GLG1: variants seen among roughly 807,000 people sequenced by gnomAD.
GLG1 encodes the protein golgi glycoprotein 1.
A neutral mutation model predicts 160.5 loss-of-function variants in GLG1; 38 were observed. The observed-to-expected ratio is 0.24, with a 90% CI of 0.18 to 0.31. The LOEUF (loss-of-function observed/expected upper bound fraction) is 0.31, where lower values mean the gene tolerates loss of function less well. Among genes scored for constraint, GLG1 ranks in the 10% least tolerant of loss-of-function variants. GLG1 has a pLI of 1.00. For missense variants in GLG1, 1,373 were observed against 1,505.2 expected, an observed-to-expected ratio of 0.91 and a Z score of 1.45; for synonymous variants, 644 against 543.4, an observed-to-expected ratio of 1.19 and a Z score of -2.57.
intron 1 of GLG1, among the ~76,000 whole-genome samples, chr16:74,568,977 G>A (rs2018741373): frequency 6.6e-6 from 1 of 152,176 alleles, no homozygotes. Context: ...AAGAACACAG[G>A]AGAGCTCAAA....
intron 1 of GLG1, among the ~76,000 whole-genome samples, chr16:74,573,177 T>C (rs1443188956): frequency 1.3e-5 from 2 of 152,244 alleles, no homozygotes; most frequent in East Asian, 1.9e-4. Flanking sequence ...CTTTTAAGAA[T>C]AGGGTAGAAT....
intron 1 of GLG1, among the ~76,000 whole-genome samples, chr16:74,601,847 C>G (rs1958446509): frequency 1.3e-5 from 2 of 152,146 alleles, no homozygotes; most frequent in South Asian, 4.1e-4. Context: ...TACAACCACC[C>G]ATGGTACATT....
intron 1 of GLG1, among the ~76,000 whole-genome samples, chr16:74,560,697 C>T (rs7203452): frequency 0.73 from 110,817 of 151,908 alleles, 40,907 homozygotes; most frequent in African/African-American, 0.84. Flanking sequence ...AAAATTAAAC[C>T]TGAGCTGGGC....
intron 15 of GLG1, among the ~76,000 whole-genome samples, chr16:74,470,823 T>C (rs1387795642): frequency 6.6e-6 from 1 of 151,872 alleles, no homozygotes; most frequent in Admixed American, 6.6e-5. Context: ...GCAGTGGCGA[T>C]CTCGGCTCAC....
intron 6 of GLG1, 137 bp from the exon 7 acceptor site, chr16:74,493,277 G>C (rs1009982000): frequency 1.4e-5 from 8 of 580,108 alleles, no homozygotes; most frequent in Non-Finnish European, 2.1e-5. Context: ...CTATCTTTAA[G>C]TTTGGTTAAA....
At position 74,532,264 on chromosome 16, in the gene GLG1, T is replaced by G. The variant is rs574436712; in HGVS notation, c.439-111A>C. ...ACCAAAATAAACTCAAAACAAGAAA[T>G]CTGAATATTCAACCAAATATGCTTC... is the stretch of plus-strand genomic sequence containing the variant. On this transcript the variant is annotated intron_variant, in intron 1 of 25. Transcript: ENST00000422840. 8 of 373,842 alleles carry G rather than the reference T, an allele frequency of 2.1e-5. No homozygotes were observed. The South Asian group carries it at 8.9e-4, about 41-fold the overall frequency. The allele number at this position is 373,842 out of a possible 1,614,324, so 23.2% of individuals were successfully genotyped here.
At chr16:74,535,133 A>T (rs2017652131) in intron 1 of GLG1, among the ~76,000 whole-genome samples, 1 of 152,196 alleles carries the variant, frequency 6.6e-6, no homozygotes, top group Non-Finnish European at 1.5e-5. Flanking sequence ...GGAAAGAAAA[A>T]CAAGCCTCGA....
intron 1 of GLG1, among the ~76,000 whole-genome samples, chr16:74,573,563 C>G (rs2018898345): frequency 6.7e-6 from 1 of 148,230 alleles, no homozygotes; most frequent in East Asian, 2.0e-4. Flanking sequence ...ATCTTCCTTC[C>G]CCTTTTATTT....
rs143508685 is a variant in GLG1 at position 74,586,197 on chromosome 16, C to G, written c.438+20460G>C. On this transcript the variant is annotated intron_variant, in intron 1 of 25. Transcript: ENST00000422840. ...AAAACAAAGGCAAGGCCCTAGGAAA[C>G]GAATGGAACCACAAGATAAAAGGAA... Among the ~76,000 whole-genome samples, 113 of 151,926 alleles carry G rather than the reference C, an allele frequency of 7.4e-4. 1 individual carries two copies. In the East Asian group the frequency reaches 0.019, roughly 25 times the overall value.
chr16:74,557,210 C>A (rs1200054001), intron 1 of GLG1, among the ~76,000 whole-genome samples: 1 of 152,138 alleles, frequency 6.6e-6, no homozygotes, highest in African/African-American at 2.4e-5. Context: ...TAAATCCTTA[C>A]CTCAAATATT....
At chr16:74,603,669 C>T (rs1958496947) in intron 1 of GLG1, among the ~76,000 whole-genome samples, 1 of 152,000 alleles carries the variant, frequency 6.6e-6, no homozygotes, top group Non-Finnish European at 1.5e-5. Context: ...CTGGCCATTT[C>T]AACCAAGAAT....
At chr16:74,592,811 TGTCCTC>T (rs912050393) in intron 1 of GLG1, among the ~76,000 whole-genome samples, 37 of 152,296 alleles carry the variant, frequency 2.4e-4, no homozygotes, top group Non-Finnish European at 8.8e-5. Flanking sequence ...ATAATAGGTG[TGTCCTC>T]AGCAAATGGC....
chr16:74,503,899 A>C (rs2016504804), intron 3 of GLG1, among the ~76,000 whole-genome samples, 153 bp from the exon 4 acceptor site: 1 of 152,244 alleles, frequency 6.6e-6, no homozygotes, highest in African/African-American at 2.4e-5. Flanking sequence ...ATATCCAAGG[A>C]AAACATTTAG....
intron 10 of GLG1, among the ~76,000 whole-genome samples, chr16:74,482,063 C>T (rs1204032339): frequency 1.3e-5 from 2 of 152,096 alleles, no homozygotes; most frequent in African/African-American, 4.8e-5. Flanking sequence ...GCTGGGATTA[C>T]AGGCGTGAGC....
In GLG1 at chr16:74,474,699, T is replaced by C; in HGVS notation, c.1966-67A>G. 4 of 807,518 alleles carry C rather than the reference T, an allele frequency of 5.0e-6. 1 individual carries two copies. The highest frequency in any genetic ancestry group is 2.7e-5 in the South Asian group (2 of 75,078). 50.0% of individuals were successfully genotyped at this position (807,518 alleles called of 1,614,324 possible). On this transcript the variant is annotated intron_variant, in intron 12 of 25. Transcript: ENST00000422840. ...TACATGAACAAGGCAAGGGGAGATA[T>C]CAGCGTCATGACACTTCCCTTTTCA... is the stretch of plus-strand genomic sequence containing the variant.
chr16:74,500,175 C>T (rs770758919), intron 4 of GLG1, among the ~76,000 whole-genome samples: 21 of 152,000 alleles, frequency 1.4e-4, no homozygotes, highest in Non-Finnish European at 2.2e-4. Context: ...TATTTGACAG[C>T]GAAGACTGCA....
chr16:74,580,309 C>T (rs773388637), intron 1 of GLG1, among the ~76,000 whole-genome samples: 1 of 151,818 alleles, frequency 6.6e-6, no homozygotes. Flanking sequence ...CATGGCACAA[C>T]CCCCATCTCT....
chr16:74,572,324 A>G (rs1372610237), intron 1 of GLG1, among the ~76,000 whole-genome samples: 1 of 152,156 alleles, frequency 6.6e-6, no homozygotes, highest in Non-Finnish European at 1.5e-5. Flanking sequence ...AAGCCTGGCC[A>G]ACACAGTGAA....
chr16:74,500,646 G>C (rs541030633), intron 4 of GLG1, among the ~76,000 whole-genome samples: 1 of 151,930 alleles, frequency 6.6e-6, no homozygotes, highest in African/African-American at 2.4e-5. Context: ...CAAATTAACT[G>C]GTTAAAAGCA....
Sources: allele counts gnomAD v4.1 joint callset (sites outside exome capture counted in the v4.1 genomes callset), GRCh38; gene constraint gnomAD v4.1.1; transcripts MANE v1.5; gene names NCBI Gene and HGNC (gene_info 2026-07-23, HGNC 2026-07-21).